NDUFB2: variants seen among roughly 807,000 people sequenced by gnomAD.
NDUFB2 encodes the protein NADH:ubiquinone oxidoreductase subunit B2.
A neutral mutation model predicts 13.4 loss-of-function variants in NDUFB2; 13 were observed. The observed-to-expected ratio is 0.97, with a 90% CI of 0.63 to 1.54. The LOEUF is 1.54. Ranked by LOEUF, NDUFB2 falls within the 40% of genes most tolerant of loss-of-function variation. The probability of loss-of-function intolerance (pLI) is 0.00; values close to 1 mark genes in which losing one functional copy is unlikely to be tolerated. For missense variants in NDUFB2, 150 were observed against 139.7 expected (o/e 1.07, Z -0.37); for synonymous variants, 47 against 50.6 (o/e 0.93, Z 0.30).
chr7:140,704,736 C>T (rs535129272), intron 2 of NDUFB2, 124 bp from the exon 3 acceptor site: 2 of 598,184 alleles, frequency 3.3e-6, no homozygotes, highest in African/African-American at 3.9e-5. Context: ...AGAATTTGTT[C>T]CTGTGGTCAG....
At position 140,696,805 on chromosome 7, in the gene NDUFB2, G is replaced by A. The variant is rs149387353; in HGVS notation, c.61G>A (p.Gly21Ser). 6.2e-7 allele frequency: 1 copy of A among 1,609,222 alleles called. No homozygotes were observed. Among genetic ancestry groups the A allele is most frequent in the Non-Finnish European group, 8.5e-7 (1 of 1,178,106 alleles). Residue 21 changes from glycine (G) to serine (S), a missense_variant, in exon 1 of 4, where the codon GGC becomes AGC. Transcript: ENST00000247866. ...ARVGGRLFRSGCARTAGDGGV... is the reference protein window; with the variant it reads ...ARVGGRLFRSSCARTAGDGGV... ...CGTTGGAGGCCGCCTTTTCAGAAGCGGCTGCGCACGGACTGCTGGAGATGG... is the reference window on the plus strand; with the variant it reads ...CGTTGGAGGCCGCCTTTTCAGAAGCAGCTGCGCACGGACTGCTGGAGATGG...
chr7:140,703,392 A>C (rs1794925032), intron 2 of NDUFB2, among the ~76,000 whole-genome samples: 2 of 150,020 alleles, frequency 1.3e-5, no homozygotes, highest in African/African-American at 4.9e-5. Flanking sequence ...CTGGTGCCTC[A>C]GTCCCTTGAG....
At chr7:140,700,920 A>G (rs1289065506) in intron 1 of NDUFB2, 1 of 152,240 alleles carries the variant, frequency 6.6e-6, no homozygotes, top group Non-Finnish European at 1.5e-5. Context: ...TTACGGAAAC[A>G]GTATGCTACG....
chr7:140,701,932 G>GCAAA, intron 1 of NDUFB2: 1 of 618,580 alleles, frequency 1.6e-6, no homozygotes, highest in East Asian at 2.9e-5. Context: ...TGAGACTCTC[G>GCAAA]CAAACAAACA....
chr7:140,698,842 T>A (rs1326192074), intron 1 of NDUFB2, among the ~76,000 whole-genome samples: 1 of 152,048 alleles, frequency 6.6e-6, no homozygotes, highest in Non-Finnish European at 1.5e-5. Flanking sequence ...AGGAAAGTAA[T>A]GTGGTCTGAT....
chr7:140,698,168 G>T lies in NDUFB2; in HGVS notation c.98+1326G>T, dbSNP rs1243927528. Reference sequence around the variant, plus strand: ...GGGGCAGGTGTGGGGTGGGCAGAAGGCAAAGCCCTGTGTGACTTGGGCAAA... The same window carrying T: ...GGGGCAGGTGTGGGGTGGGCAGAAGTCAAAGCCCTGTGTGACTTGGGCAAA... On this transcript the variant is annotated intron_variant, in intron 1 of 3. Coordinates refer to ENST00000247866, the MANE Select transcript of NDUFB2 (RefSeq NM_004546.3). The T allele has an allele frequency of 2.2e-6, 3 of 1,352,080 alleles. No homozygotes were observed. The South Asian group carries it at 3.4e-5, about 15-fold the overall frequency. The allele number at this position is 1,352,080 out of a possible 1,614,324, so 83.8% of individuals were successfully genotyped here.
At chr7:140,698,130 A>G (rs1001611709) in intron 1 of NDUFB2, 8 of 1,351,722 alleles carry the variant, frequency 5.9e-6, no homozygotes, top group Non-Finnish European at 7.8e-6. Flanking sequence ...ACATGGATGA[A>G]GAATCTGGAG....
At chr7:140,706,060 T>TATGTTATGTTATGTTATGTTATG (rs1402496959) in intron 3 of NDUFB2, 2 of 125,038 alleles carry the variant, frequency 1.6e-5, no homozygotes, top group South Asian at 2.6e-4. Flanking sequence ...TATGTTATGT[T>TATGTTATGTTATGTTATGTTATG]TTATGTTATG....
intron 2 of NDUFB2, 114 bp from the exon 3 acceptor site, chr7:140,704,744 CAG>C (rs1794942330): frequency 6.0e-6 from 4 of 668,638 alleles, no homozygotes; most frequent in Non-Finnish European, 9.5e-6. Context: ...TTCCTGTGGT[CAG>C]GGGCTGAGCC....
intron 1 of NDUFB2, chr7:140,700,250 A>C (rs1413933150): frequency 1.3e-5 from 2 of 151,762 alleles, no homozygotes; most frequent in Non-Finnish European, 2.9e-5. Flanking sequence ...CAGCCTCCTG[A>C]GTAGCTGGGA....
intron 3 of NDUFB2, 138 bp downstream of exon 3, chr7:140,705,101 CTTTTT>C (rs878932531): frequency 1.1e-4 from 39 of 341,978 alleles, no homozygotes; most frequent in South Asian, 1.7e-4. Context: ...CCTGTATCTG[CTTTTT>C]TTTTTTTTTT....
chr7:140,702,196 T>C lies in NDUFB2; in HGVS notation c.99-670T>C, dbSNP rs1794907399. The C allele has an allele frequency of 5.2e-6, 3 of 573,636 alleles. No homozygotes were observed. The South Asian group carries it at 6.8e-5, about 13-fold the overall frequency. The allele number at this position is 573,636 out of a possible 1,614,324, so 35.5% of individuals were successfully genotyped here. ...TGTTTATTAGCATATATATGGCTGA[T>C]GAATAGGTTTTAGGAATAGCCCCAG... On this transcript the variant is annotated intron_variant, in intron 1 of 3. Transcript: ENST00000247866.
intron 1 of NDUFB2, 111 bp from the exon 2 acceptor site, chr7:140,702,755 T>G (rs529256599): frequency 6.6e-6 from 8 of 1,216,864 alleles, no homozygotes; most frequent in Middle Eastern, 2.9e-4. Flanking sequence ...TATATTTCAG[T>G]GGAGATGAGA....
At chr7:140,704,744 C>A in intron 2 of NDUFB2, 116 bp from the exon 3 acceptor site, 1 of 668,634 alleles carries the variant, frequency 1.5e-6, no homozygotes, top group South Asian at 2.5e-5. Flanking sequence ...TTCCTGTGGT[C>A]AGGGGCTGAG....
chr7:140,697,438 G>A lies in NDUFB2; in HGVS notation c.98+596G>A, dbSNP rs1344461296. On this transcript the variant is annotated intron_variant, in intron 1 of 3. Coordinates refer to ENST00000247866, the MANE Select transcript of NDUFB2 (RefSeq NM_004546.3). The stretch of plus-strand genomic sequence containing the variant: ...AAGCCAACGCTGGGGCAGCCGTGGC[G>A]TTTAGGAGAGTGACAGGCAGAGCCG... 8 of 702,298 alleles carry A rather than the reference G, an allele frequency of 1.1e-5. No individual in the cohort carries two copies. The East Asian group carries it at 2.1e-4, about 19-fold the overall frequency. 43.5% of individuals were successfully genotyped at this position (702,298 alleles called of 1,614,324 possible).
intron 2 of NDUFB2, among the ~76,000 whole-genome samples, chr7:140,704,592 CT>C (rs998289371): frequency 1.3e-5 from 2 of 152,186 alleles, no homozygotes; most frequent in Non-Finnish European, 2.9e-5. Flanking sequence ...CCACTTCCCC[CT>C]ACCCTCCCTC....
intron 3 of NDUFB2, among the ~76,000 whole-genome samples, chr7:140,705,852 C>T (rs1390457676): frequency 7.2e-5 from 11 of 152,114 alleles, no homozygotes; most frequent in Non-Finnish European, 8.8e-5. Context: ...AAAACTAACT[C>T]TTTAAACAGT....
At position 140,700,427 on chromosome 7, in the gene NDUFB2, A is replaced by G. The variant is rs114290199; in HGVS notation, c.99-2439A>G. On this transcript the variant is annotated intron_variant, in intron 1 of 3. Transcript: ENST00000247866. Reference sequence around the variant, plus strand: ...CATAAGCCACCGTGTCCGGCCTTCAAATCTTGTTTTAATCAGTTTTACTGC... The same window carrying G: ...CATAAGCCACCGTGTCCGGCCTTCAGATCTTGTTTTAATCAGTTTTACTGC... 8.7e-3 allele frequency among the ~76,000 whole-genome samples: 1,327 copies of G among 151,790 alleles called. 23 individuals are homozygous for G. Among genetic ancestry groups the G allele is most frequent in the African/African-American group, 0.03 (1,247 of 41,392 alleles).
chr7:140,697,107 C>A, intron 1 of NDUFB2: 1 of 586,668 alleles, frequency 1.7e-6, no homozygotes, highest in Non-Finnish European at 3.0e-6. Context: ...GGGAGACGCA[C>A]GCGTGAATGC....
Sources: gnomAD v4.1 joint callset for allele counts (sites outside exome capture counted in the v4.1 genomes callset) on GRCh38, gnomAD v4.1.1 for gene constraint, MANE v1.5 for transcripts, NCBI Gene and HGNC (gene_info 2026-07-23, HGNC 2026-07-21) for gene names.